Variants in FAT3 observed in about 807,000 individuals in gnomAD.
FAT3 encodes the protein protocadherin Fat 3.
A neutral mutation model predicts 310.2 loss-of-function variants in FAT3; 95 were observed. That is an observed-to-expected ratio of 0.31 (90% confidence interval 0.26 to 0.36). FAT3 has a LOEUF of 0.36. Ranked by LOEUF, FAT3 falls within the 10% of genes least tolerant of loss-of-function variation. FAT3 has a pLI of 1.00. For missense variants in FAT3, 5,408 were observed against 5,715.6 expected (o/e 0.95, Z 1.74); for synonymous variants, 2,314 against 2,192.9 (o/e 1.06, Z -1.54).
Position 92,524,648 on chromosome 11 carries a change from G to T in FAT3, c.3307G>T (p.Ala1103Ser). 1.2e-6 allele frequency: 2 copies of T among 1,612,748 alleles called. No homozygotes were observed. Among genetic ancestry groups the T allele is most frequent in the East Asian group, 2.2e-5 (1 of 44,836 alleles). Reference sequence around the variant, plus strand: ...TTTTGTCTCAGGGGTCATCACTGCCGCAGACATTCTTGATCGGGAGACAAT... The same window carrying T: ...TTTTGTCTCAGGGGTCATCACTGCCTCAGACATTCTTGATCGGGAGACAAT... ...IDDESGVITA[A>S]DILDRETMGS... The change falls in exon 3 of 28, where the codon GCA becomes TCA. Residue 1103 changes from alanine (A) to serine (S), a missense_variant. Around this residue, in one of 5 missense-constraint regions of FAT3, gnomAD observed 4,588 missense variants for 4,809.8 expected, o/e 0.95. Coordinates refer to ENST00000525166, the MANE Select transcript of FAT3 (RefSeq NM_001367949.2).
chr11:92,598,278 G>GTACA (rs1384789065), intron 3 of FAT3, among the ~76,000 whole-genome samples: 1 of 147,984 alleles, frequency 6.8e-6, no homozygotes, highest in Non-Finnish European at 1.5e-5. Context: ...TCAGGCTGGA[G>GTACA]TACAGTGTCA....
chr11:92,534,764 C>T (rs1954196749), intron 3 of FAT3, among the ~76,000 whole-genome samples: 1 of 152,022 alleles, frequency 6.6e-6, no homozygotes, highest in African/African-American at 2.4e-5. Context: ...AAGATTCATG[C>T]CTGAAGTACC....
chr11:92,583,414 G>A (rs879483684), intron 3 of FAT3, among the ~76,000 whole-genome samples: 24 of 152,104 alleles, frequency 1.6e-4, no homozygotes, highest in Non-Finnish European at 2.9e-4. Flanking sequence ...GGAGAAAATG[G>A]ATCTGTAGCC....
chr11:92,656,642 C>T (rs1337106499), intron 3 of FAT3, among the ~76,000 whole-genome samples: 1 of 152,172 alleles, frequency 6.6e-6, no homozygotes, highest in East Asian at 1.9e-4. Flanking sequence ...TAATTCACAG[C>T]AACTGTAGTT....
At chr11:92,272,604 A>G (rs1347552548) in intron 1 of FAT3, among the ~76,000 whole-genome samples, 1 of 152,070 alleles carries the variant, frequency 6.6e-6, no homozygotes, top group Non-Finnish European at 1.5e-5. Flanking sequence ...GGAAATCACA[A>G]GTAGGTTGAA....
At chr11:92,855,160 G>C (rs148281274) in intron 19 of FAT3, among the ~76,000 whole-genome samples, 5 of 152,364 alleles carry the variant, frequency 3.3e-5, no homozygotes, top group Non-Finnish European at 7.3e-5. Context: ...GTCAGAGACT[G>C]AGATGAAGTC....
chr11:92,243,563 G>A (rs1296658715), intron 1 of FAT3, among the ~76,000 whole-genome samples: 1 of 151,850 alleles, frequency 6.6e-6, no homozygotes, highest in Admixed American at 6.6e-5. Flanking sequence ...TAAATATTTT[G>A]CATCCTGCCA....
intron 1 of FAT3, among the ~76,000 whole-genome samples, chr11:92,312,499 A>T (rs1947334544): frequency 6.6e-6 from 1 of 152,160 alleles, no homozygotes; most frequent in Non-Finnish European, 1.5e-5. Context: ...AGGTCCCGCT[A>T]ATCATTTTGC....
intron 2 of FAT3, among the ~76,000 whole-genome samples, chr11:92,386,100 C>A (rs1461498558): frequency 6.6e-6 from 1 of 152,134 alleles, no homozygotes; most frequent in Non-Finnish European, 1.5e-5. Context: ...GTGAGTGCCA[C>A]TGCACTCCAG....
intron 2 of FAT3, among the ~76,000 whole-genome samples, chr11:92,382,536 G>A (rs779325500): frequency 1.4e-4 from 21 of 152,072 alleles, no homozygotes; most frequent in Non-Finnish European, 2.5e-4. Context: ...ACCCCTAAAG[G>A]TAGATCTGGA....
intron 8 of FAT3, 31 bp from the exon 9 acceptor site, chr11:92,792,736 A>G (rs1437824564): frequency 1.9e-6 from 3 of 1,601,326 alleles, no homozygotes; most frequent in African/African-American, 1.3e-5. Flanking sequence ...TTAAAATTTG[A>G]GTCCCACCAC....
intron 3 of FAT3, among the ~76,000 whole-genome samples, chr11:92,623,717 G>A (rs555573257): frequency 6.6e-6 from 1 of 152,146 alleles, no homozygotes; most frequent in Non-Finnish European, 1.5e-5. Context: ...GCCAAGGCGG[G>A]TGGATCACGA....
chr11:92,492,091 A>G (rs1378115950), intron 2 of FAT3, among the ~76,000 whole-genome samples: 1 of 152,084 alleles, frequency 6.6e-6, no homozygotes, highest in Non-Finnish European at 1.5e-5. Flanking sequence ...CAGCCAAAGC[A>G]ATTTGCTAGA....
At chr11:92,845,901 A>G (rs1948672321) in intron 19 of FAT3, among the ~76,000 whole-genome samples, 1 of 152,138 alleles carries the variant, frequency 6.6e-6, no homozygotes, top group Non-Finnish European at 1.5e-5. Flanking sequence ...ACAGGCTCCA[A>G]GCAGCCCATC....
intron 3 of FAT3, among the ~76,000 whole-genome samples, chr11:92,614,207 A>C (rs934937181): frequency 1.3e-5 from 2 of 152,170 alleles, no homozygotes; most frequent in African/African-American, 4.8e-5. Context: ...ACTGCTATGA[A>C]CATTCATGTA....
chr11:92,375,432 C>T (rs1286182803), intron 2 of FAT3, among the ~76,000 whole-genome samples: 1 of 152,186 alleles, frequency 6.6e-6, no homozygotes, highest in African/African-American at 2.4e-5. Flanking sequence ...TCAGCCACCA[C>T]ACCCAGTCTA....
intron 1 of FAT3, among the ~76,000 whole-genome samples, chr11:92,257,969 G>C (rs1865380541): frequency 6.6e-6 from 1 of 151,962 alleles, no homozygotes; most frequent in African/African-American, 2.4e-5. Context: ...ATCTTGCTTG[G>C]TTACTTTATT....
intron 3 of FAT3, among the ~76,000 whole-genome samples, chr11:92,642,096 G>T (rs1160364538): frequency 1.3e-5 from 2 of 152,206 alleles, no homozygotes; most frequent in Admixed American, 6.5e-5. Flanking sequence ...GCATGTATCT[G>T]AAAAGGGGGG....
chr11:92,596,080 T>A (rs555856421), intron 3 of FAT3, among the ~76,000 whole-genome samples: 22 of 152,302 alleles, frequency 1.4e-4, no homozygotes, highest in African/African-American at 5.1e-4. Flanking sequence ...TCCTTATCAA[T>A]AAATAACTCA....
Sources: gnomAD v4.1 joint callset for allele counts (sites outside exome capture counted in the v4.1 genomes callset) on GRCh38, gnomAD v4.1.1 for gene constraint, gnomAD v4.1.1 regional missense constraint, MANE v1.5 for transcripts, NCBI Gene and HGNC (gene_info 2026-07-23, HGNC 2026-07-21) for gene names.